The following ZCCHC7 variants were observed in gnomAD, a reference collection of about 807,000 sequenced individuals.
The protein encoded by ZCCHC7 is zinc finger CCHC-type containing 7.
In ZCCHC7, 35 loss-of-function variants were observed where a neutral mutation model predicts 52.0. That is an observed-to-expected ratio of 0.67 (90% CI 0.51 to 0.89). ZCCHC7 has a LOEUF of 0.89. ZCCHC7 is among the 40% of genes least tolerant of loss of function. ZCCHC7 has a pLI of 0.00. For synonymous variants in ZCCHC7, 217 were observed against 221.5 expected (o/e 0.98, Z 0.18); for missense variants, 574 against 649.1 (o/e 0.88, Z 1.26).
intron 6 of ZCCHC7, among the ~76,000 whole-genome samples, chr9:37,346,679 A>G (rs1257908970): frequency 6.6e-6 from 1 of 152,156 alleles, no homozygotes; most frequent in Non-Finnish European, 1.5e-5. Context: ...TGTCTCAAAG[A>G]AAAAACAAAA....
In ZCCHC7 at chr9:37,357,149, A is replaced by G; in HGVS notation, c.1513A>G (p.Arg505Gly). 5 of 1,613,658 alleles carry G rather than the reference A, an allele frequency of 3.1e-6. No individual in the cohort carries two copies. Among genetic ancestry groups the G allele is most frequent in the Non-Finnish European group, 4.2e-6 (5 of 1,179,924 alleles). ...FHRSSHYHTS[R>G]EDKSPKEGKR... ...CCGTTCATCACATTACCACACGTCAAGAGAAGACAAGTCTCCCAAGGAAGG... is the reference window on the plus strand; with the variant it reads ...CCGTTCATCACATTACCACACGTCAGGAGAAGACAAGTCTCCCAAGGAAGG... The change falls in exon 9 of 9, where the codon AGA becomes GGA. Residue 505 changes from arginine to glycine, a missense_variant. Arg to Gly is a moderately radical substitution (Grantham distance 125, BLOSUM62 -2). Transcript: ENST00000336755.
In ZCCHC7 at chr9:37,357,326, A is replaced by T. The variant is rs555214773; in HGVS notation, c.*58A>T. The stretch of plus-strand genomic sequence containing the variant: ...TGTTCATTTGGCCTTTGTGTCTATA[A>T]CCTTCTGGCACTGTGTTTATTATCT... On this transcript the variant is annotated 3_prime_UTR_variant, in exon 9 of 9. Transcript: ENST00000336755. 104 of 1,454,614 alleles carry T rather than the reference A, an allele frequency of 7.1e-5. 1 individual carries two copies. In the South Asian group the frequency reaches 1.2e-3, roughly 16 times the overall value. The allele number at this position is 1,454,614 out of a possible 1,614,324, so 90.1% of individuals were successfully genotyped here. A position where few individuals can be genotyped will look rare whatever the true frequency, so the allele number is the denominator to read the frequency against.
chr9:37,302,326 C>G (rs1829072694), intron 3 of ZCCHC7, 95 bp downstream of exon 3: 1 of 1,030,758 alleles, frequency 9.7e-7, no homozygotes, highest in Non-Finnish European at 1.5e-6. Context: ...GTTTAAGTGG[C>G]TTATAAGAAA....
intron 2 of ZCCHC7, among the ~76,000 whole-genome samples, chr9:37,148,498 T>A (rs940193037): frequency 6.6e-6 from 1 of 152,176 alleles, no homozygotes; most frequent in African/African-American, 2.4e-5. Context: ...CTCATTCTCC[T>A]AGGGTCCATT....
intron 6 of ZCCHC7, chr9:37,334,004 C>G (rs1830548751): frequency 6.6e-6 from 1 of 151,852 alleles, no homozygotes; most frequent in East Asian, 1.9e-4. Flanking sequence ...CTTAGATTTT[C>G]CAAAATTAAT....
At chr9:37,134,329 A>G (rs1842914333) in intron 2 of ZCCHC7, among the ~76,000 whole-genome samples, 1 of 152,040 alleles carries the variant, frequency 6.6e-6, no homozygotes, top group South Asian at 2.1e-4. Context: ...ATTTTATAGT[A>G]TTGCTTAACA....
chr9:37,278,919 C>A (rs1461429768), intron 2 of ZCCHC7, among the ~76,000 whole-genome samples: 1 of 152,142 alleles, frequency 6.6e-6, no homozygotes, highest in East Asian at 1.9e-4. Flanking sequence ...TGCGGTAGCT[C>A]ACACCTGTAA....
intron 2 of ZCCHC7, among the ~76,000 whole-genome samples, chr9:37,201,706 C>T (rs1219483109): frequency 6.6e-6 from 1 of 152,152 alleles, no homozygotes; most frequent in African/African-American, 2.4e-5. Context: ...GTGGCAGATA[C>T]CATTGCAGAG....
intron 2 of ZCCHC7, among the ~76,000 whole-genome samples, chr9:37,188,457 A>C (rs1822784738): frequency 6.7e-6 from 1 of 148,654 alleles, no homozygotes; most frequent in Non-Finnish European, 1.5e-5. Flanking sequence ...CCAGCCCCTG[A>C]GGTTGGTCTC....
chr9:37,251,071 ATTGT>A (rs570362073), intron 2 of ZCCHC7, among the ~76,000 whole-genome samples: 43 of 152,320 alleles, frequency 2.8e-4, no homozygotes, highest in Admixed American at 2.3e-3. Context: ...TACAAAAATG[ATTGT>A]TTGTAGTATT....
intron 5 of ZCCHC7, among the ~76,000 whole-genome samples, chr9:37,319,497 G>C (rs1201308821): frequency 6.6e-6 from 1 of 151,966 alleles, no homozygotes; most frequent in Non-Finnish European, 1.5e-5. Flanking sequence ...GTGCAATCTC[G>C]GCTCACTGCA....
At chr9:37,279,123 A>G (rs1827824433) in intron 2 of ZCCHC7, among the ~76,000 whole-genome samples, 1 of 152,220 alleles carries the variant, frequency 6.6e-6, no homozygotes, top group South Asian at 2.1e-4. Context: ...TACCAAGTCA[A>G]ACTCCTGTTT....
intron 2 of ZCCHC7, among the ~76,000 whole-genome samples, chr9:37,227,163 A>G (rs1186499580): frequency 6.6e-6 from 1 of 152,240 alleles, no homozygotes; most frequent in African/African-American, 2.4e-5. Flanking sequence ...TGTAGACTTC[A>G]AAGGATACTT....
chr9:37,332,651 G>A (rs1321353302), intron 6 of ZCCHC7, among the ~76,000 whole-genome samples: 1 of 150,962 alleles, frequency 6.6e-6, no homozygotes, highest in African/African-American at 2.4e-5. Flanking sequence ...TCACTGGCAT[G>A]TGGAACCACA....
At chr9:37,306,738 C>G (rs941553420) in intron 5 of ZCCHC7, among the ~76,000 whole-genome samples, 4 of 123,456 alleles carry the variant, frequency 3.2e-5, no homozygotes, top group Non-Finnish European at 4.9e-5. Flanking sequence ...GCTGGGATTA[C>G]AGGCATGAGC....
intron 2 of ZCCHC7, among the ~76,000 whole-genome samples, chr9:37,289,871 T>A (rs1332594737): frequency 6.6e-6 from 1 of 152,234 alleles, no homozygotes; most frequent in Non-Finnish European, 1.5e-5. Flanking sequence ...CCTTAAGAAC[T>A]TTGCTTTGGC....
intron 6 of ZCCHC7, among the ~76,000 whole-genome samples, chr9:37,331,040 G>A (rs10973300): frequency 0.14 from 21,605 of 151,638 alleles, 1,766 homozygotes; most frequent in Non-Finnish European, 0.17. Context: ...GTTTAATTTT[G>A]CATTTGATTT....
chr9:37,231,235 C>T lies in ZCCHC7; in HGVS notation c.611-70953C>T, dbSNP rs773550351. On this transcript the variant is annotated intron_variant, in intron 2 of 8. Coordinates refer to ENST00000336755, the MANE Select transcript of ZCCHC7 (RefSeq NM_032226.3). Reference sequence around the variant, plus strand: ...TATTGAGATTACAGGCATGAGCCACCGCGCCTGGCCATAAACGTCTTTGGG... The same window carrying T: ...TATTGAGATTACAGGCATGAGCCACTGCGCCTGGCCATAAACGTCTTTGGG... Among the ~76,000 whole-genome samples, 8 of 152,174 alleles carry T rather than the reference C, an allele frequency of 5.3e-5. 1 individual carries two copies. In the South Asian group the frequency reaches 8.3e-4, roughly 16 times the overall value.
intron 2 of ZCCHC7, among the ~76,000 whole-genome samples, chr9:37,167,409 G>GTT (rs1014156866): frequency 7.2e-5 from 11 of 151,814 alleles, no homozygotes; most frequent in African/African-American, 2.7e-4. Flanking sequence ...CATCTCTAAA[G>GTT]TTTTATTTTG....
Sources: gnomAD v4.1 joint callset for allele counts (sites outside exome capture counted in the v4.1 genomes callset) on GRCh38, gnomAD v4.1.1 for gene constraint, MANE v1.5 for transcripts, NCBI Gene and HGNC (gene_info 2026-07-23, HGNC 2026-07-21) for gene names.